TBC1D14: variants seen among roughly 807,000 people sequenced by gnomAD.
TBC1D14 encodes the protein TBC1 domain family member 14, also known as TBC1 domain family, member 14.
Under a neutral mutation model 79.0 loss-of-function variants are expected in TBC1D14, and 26 were observed. The ratio of observed to expected loss-of-function variants is 0.33; its 90% CI spans 0.24 to 0.46. TBC1D14 has a LOEUF of 0.46. Ranked by LOEUF, TBC1D14 falls within the 20% of genes least tolerant of loss-of-function variation. TBC1D14 has a pLI of 1.00. For missense variants in TBC1D14, 769 were observed against 887.6 expected (o/e 0.87, Z 1.70); for synonymous variants, 394 against 349.9 (o/e 1.13, Z -1.40).
chr4:7,013,882 T>C (rs957107595), intron 11 of TBC1D14, among the ~76,000 whole-genome samples: 3 of 152,164 alleles, frequency 2.0e-5, no homozygotes, highest in African/African-American at 7.2e-5. Context: ...TAGCTGGGAC[T>C]ACAGGCGCCC....
chr4:6,915,195 C>G (rs1406824213), intron 1 of TBC1D14, among the ~76,000 whole-genome samples: 1 of 152,194 alleles, frequency 6.6e-6, no homozygotes, highest in Non-Finnish European at 1.5e-5. Context: ...TGCTGCCCTC[C>G]AGGGCAGGAC....
chr4:6,996,260 G>A lies in TBC1D14; in HGVS notation c.963-65G>A, dbSNP rs1719033950. 7.4e-6 allele frequency: 10 copies of A among 1,349,396 alleles called. No homozygotes were observed. In the Admixed American group the frequency reaches 1.7e-4, roughly 23 times the overall value. 83.6% of individuals were successfully genotyped at this position (1,349,396 alleles called of 1,614,324 possible). A position where few individuals can be genotyped will look rare whatever the true frequency, so the allele number is the denominator to read the frequency against. ...ATATTTTTTAGGAAATTATGCTTCA[G>A]GTTTTTTCTGAAAGACTTCTATGCG... On this transcript the variant is annotated intron_variant, in intron 4 of 13. Coordinates refer to ENST00000409757, the MANE Select transcript of TBC1D14 (RefSeq NM_020773.3).
At chr4:6,973,731 G>A (rs1301700201) in intron 3 of TBC1D14, among the ~76,000 whole-genome samples, 2 of 152,142 alleles carry the variant, frequency 1.3e-5, no homozygotes, top group African/African-American at 4.8e-5. Flanking sequence ...TGGACAGAGA[G>A]CACCAGGAGA....
chr4:6,955,363 G>T (rs1714527426), intron 2 of TBC1D14, among the ~76,000 whole-genome samples: 1 of 152,196 alleles, frequency 6.6e-6, no homozygotes, highest in Non-Finnish European at 1.5e-5. Context: ...TAGCCTCGCT[G>T]GGCCTCGGTG....
intron 1 of TBC1D14, among the ~76,000 whole-genome samples, chr4:6,920,121 C>T (rs968501267): frequency 3.9e-5 from 6 of 152,174 alleles, no homozygotes; most frequent in Admixed American, 3.9e-4. Flanking sequence ...ACTGTGTTGC[C>T]CAGGCTGAAT....
At chr4:6,987,190 C>G in intron 3 of TBC1D14, 3 of 1,224,270 alleles carry the variant, frequency 2.5e-6, no homozygotes, top group Non-Finnish European at 3.1e-6. Flanking sequence ...TGTGTCTGCG[C>G]GCGATTGAGC....
intron 13 of TBC1D14, 60 bp downstream of exon 13, chr4:7,025,322 G>T: frequency 9.4e-6 from 15 of 1,599,906 alleles, no homozygotes; most frequent in Non-Finnish European, 1.3e-5. Flanking sequence ...CGCGACTCAG[G>T]AAGGCCCCTA....
At chr4:6,958,432 T>G (rs60263546) in intron 2 of TBC1D14, among the ~76,000 whole-genome samples, 2,295 of 150,766 alleles carry the variant, frequency 0.015, 16 homozygotes, top group Middle Eastern at 0.037. Flanking sequence ...TTTTATGCTT[T>G]ATTTATTTTT....
chr4:6,914,135 CAA>C (rs34129252), intron 1 of TBC1D14, among the ~76,000 whole-genome samples: 32 of 137,506 alleles, frequency 2.3e-4, no homozygotes, highest in African/African-American at 8.3e-4. Flanking sequence ...GACCCCATCT[CAA>C]AAAAAAAAAA....
chr4:6,951,003 G>T (rs1393763979), intron 2 of TBC1D14, among the ~76,000 whole-genome samples: 1 of 152,168 alleles, frequency 6.6e-6, no homozygotes, highest in African/African-American at 2.4e-5. Context: ...AAAACTCGTA[G>T]AACTGAGTGG....
chr4:6,967,885 C>CCGA (rs1715842329), intron 3 of TBC1D14, among the ~76,000 whole-genome samples: 2 of 152,194 alleles, frequency 1.3e-5, no homozygotes, highest in Non-Finnish European at 2.9e-5. Flanking sequence ...CTTGCTCACC[C>CCGA]TGAGGCTGCC....
chr4:6,933,250 T>TC (rs1560256187), intron 2 of TBC1D14, among the ~76,000 whole-genome samples: 86 of 3,702 alleles, frequency 0.023, no homozygotes, highest in East Asian at 0.052. Flanking sequence ...TCCCCTCCCC[T>TC]CCCCTCCCCT....
intron 8 of TBC1D14, among the ~76,000 whole-genome samples, chr4:7,006,175 A>G (rs1377442743): frequency 6.6e-6 from 1 of 152,216 alleles, no homozygotes; most frequent in Non-Finnish European, 1.5e-5. Context: ...TCGCTACAAA[A>G]AGATAAAAGA....
chr4:7,027,631 C>G (rs1722554479), intron 13 of TBC1D14, among the ~76,000 whole-genome samples: 1 of 146,760 alleles, frequency 6.8e-6, no homozygotes, highest in Admixed American at 6.8e-5. Context: ...CACACACAAT[C>G]ACCCCACACA....
At chr4:6,972,378 A>G (rs1327765487) in intron 3 of TBC1D14, among the ~76,000 whole-genome samples, 1 of 152,166 alleles carries the variant, frequency 6.6e-6, no homozygotes, top group Non-Finnish European at 1.5e-5. Flanking sequence ...ACCAAATGCA[A>G]GCGTCTGTTC....
chr4:7,023,217 C>T (rs1301837653), intron 12 of TBC1D14, among the ~76,000 whole-genome samples: 1 of 152,196 alleles, frequency 6.6e-6, no homozygotes, highest in Non-Finnish European at 1.5e-5. Flanking sequence ...CGCACCACTA[C>T]TGCACTCCAG....
chr4:6,939,238 G>A (rs1273048682), intron 2 of TBC1D14, among the ~76,000 whole-genome samples: 1 of 152,132 alleles, frequency 6.6e-6, no homozygotes. Flanking sequence ...AGTCCCTGCT[G>A]TCCTCCTGCA....
At chr4:6,958,766 T>C (rs930294649) in intron 2 of TBC1D14, among the ~76,000 whole-genome samples, 1 of 152,104 alleles carries the variant, frequency 6.6e-6, no homozygotes, top group Non-Finnish European at 1.5e-5. Flanking sequence ...TTCCCTGGAA[T>C]GCTCTCACTC....
In TBC1D14 at chr4:7,030,449, T is replaced by A; in HGVS notation, c.*57T>A. ...TCAGAGCCCCATGCCGCGGCCCCTC[T>A]GTTGTTTCAGACTGACACCCGGGCA... On this transcript the variant is annotated 3_prime_UTR_variant, in exon 14 of 14. Coordinates refer to ENST00000409757, the MANE Select transcript of TBC1D14 (RefSeq NM_020773.3). 6.3e-7 allele frequency: 1 copy of A among 1,587,268 alleles called. No individual in the cohort carries two copies. Among genetic ancestry groups the A allele is most frequent in the Non-Finnish European group, 8.6e-7 (1 of 1,157,164 alleles).
Sources: gnomAD v4.1 joint callset for allele counts (sites outside exome capture counted in the v4.1 genomes callset) on GRCh38, gnomAD v4.1.1 for gene constraint, MANE v1.5 for transcripts, NCBI Gene and HGNC (gene_info 2026-07-23, HGNC 2026-07-21) for gene names.